The following TANGO6 variants were observed in gnomAD, a reference collection of about 807,000 sequenced individuals.
TANGO6 encodes transport and Golgi organization protein 6 homolog.
A neutral mutation model predicts 114.2 loss-of-function variants in TANGO6; 90 were observed. The observed-to-expected ratio is 0.79, with a 90% CI of 0.66 to 0.94. The LOEUF (loss-of-function observed/expected upper bound fraction) is 0.94. Ranked by LOEUF, TANGO6 falls within the 40% of genes least tolerant of loss-of-function variation. The pLI is 0.00. For synonymous variants in TANGO6, 477 were observed against 509.8 expected, an observed-to-expected ratio of 0.94 and a Z score of 0.87; for missense variants, 1,274 against 1,315.3, an observed-to-expected ratio of 0.97 and a Z score of 0.49.
Position 68,982,630 on chromosome 16 carries a change from C to CTTTTTTT in TANGO6, c.2842+8478_2842+8484dup, listed in dbSNP as rs562523656. ...CAGGCATGAGCCACCATGCCCTGGC[C>CTTTTTTT]TTTTTTTTTTTTTTTTTTTTTTGTA... On this transcript the variant is annotated intron_variant, in intron 15 of 17. Coordinates refer to ENST00000261778, the MANE Select transcript of TANGO6 (RefSeq NM_024562.2). Among the ~76,000 whole-genome samples the CTTTTTTT allele has an allele frequency of 2.6e-4, 27 of 105,338 alleles. 2 individuals are homozygous for CTTTTTTT. Among genetic ancestry groups the CTTTTTTT allele is most frequent in the African/African-American group, 8.0e-4 (17 of 21,166 alleles). 69.1% of individuals were successfully genotyped at this position (105,338 alleles called of 152,430 possible). A position where few individuals can be genotyped will look rare whatever the true frequency, so the allele number is the denominator to read the frequency against.
chr16:69,015,714 C>T (rs185839315), intron 15 of TANGO6, among the ~76,000 whole-genome samples: 1 of 152,106 alleles, frequency 6.6e-6, no homozygotes, highest in Non-Finnish European at 1.5e-5. Flanking sequence ...ATCTCCTGAC[C>T]TCATGATCCG....
chr16:68,843,712 G>A lies in TANGO6; in HGVS notation c.94+1G>A. Reference sequence around the variant, plus strand: ...TTGAAGCTGCTGCTGAGCCCGGGAGGTGAGAGGACGCATCTCCGCGCCGGG... The same window carrying A: ...TTGAAGCTGCTGCTGAGCCCGGGAGATGAGAGGACGCATCTCCGCGCCGGG... On this transcript the variant is annotated splice_donor_variant, in intron 1 of 17. Coordinates refer to ENST00000261778, the MANE Select transcript of TANGO6 (RefSeq NM_024562.2). LOFTEE classifies it high-confidence loss of function. The A allele has an allele frequency of 6.2e-7, 1 of 1,613,460 alleles. No homozygotes were observed. Among genetic ancestry groups the A allele is most frequent in the Middle Eastern group, 1.7e-4 (1 of 6,060 alleles).
At chr16:69,080,098 A>G (rs1233308418) in intron 17 of TANGO6, among the ~76,000 whole-genome samples, 1 of 152,250 alleles carries the variant, frequency 6.6e-6, no homozygotes, top group Non-Finnish European at 1.5e-5. Context: ...AGCAAAAGAT[A>G]AAAAGAATTT....
intron 1 of TANGO6, among the ~76,000 whole-genome samples, chr16:68,853,054 A>G (rs1305709872): frequency 6.6e-6 from 1 of 152,138 alleles, no homozygotes; most frequent in African/African-American, 2.4e-5. Context: ...TGTAACATTA[A>G]CTAGAGTTTA....
chr16:68,843,725 TCTCCGCGCCGGG>T lies in TANGO6; in HGVS notation c.94+17_94+28del. 1 of 1,612,262 alleles carries T rather than the reference TCTCCGCGCCGGG, an allele frequency of 6.2e-7. No homozygotes were observed. The highest frequency in any genetic ancestry group is 8.5e-7 in the Non-Finnish European group (1 of 1,178,732). ...TGAGCCCGGGAGGTGAGAGGACGCA[TCTCCGCGCCGGG>T]CTGGACCCGGGACTCTCAGGGCCGC... On this transcript the variant is annotated intron_variant, in intron 1 of 17. Coordinates refer to ENST00000261778, the MANE Select transcript of TANGO6 (RefSeq NM_024562.2).
intron 7 of TANGO6, among the ~76,000 whole-genome samples, chr16:68,887,794 G>A (rs1034079398): frequency 8.5e-5 from 13 of 152,146 alleles, no homozygotes; most frequent in African/African-American, 2.2e-4. Flanking sequence ...CAGGAGAATC[G>A]CTTGAACCCG....
At chr16:68,902,209 G>T in intron 8 of TANGO6, 119 bp from the exon 9 acceptor site, 1 of 914,862 alleles carries the variant, frequency 1.1e-6, no homozygotes, top group Non-Finnish European at 1.6e-6. Flanking sequence ...AGTACTAGGA[G>T]ATTGTGCCAG....
chr16:68,844,123 T>G (rs948765413), intron 1 of TANGO6, among the ~76,000 whole-genome samples: 4 of 152,130 alleles, frequency 2.6e-5, no homozygotes, highest in Admixed American at 1.3e-4. Flanking sequence ...CCTTGAGATT[T>G]GTACGAAATG....
At chr16:68,989,575 G>A (rs1963929189) in intron 15 of TANGO6, among the ~76,000 whole-genome samples, 1 of 152,022 alleles carries the variant, frequency 6.6e-6, no homozygotes, top group Non-Finnish European at 1.5e-5. Context: ...ATCCTTATCT[G>A]ATAACTAAAA....
intron 17 of TANGO6, among the ~76,000 whole-genome samples, chr16:69,063,808 C>A (rs554050886): frequency 0.051 from 6,385 of 125,474 alleles, 221 homozygotes; most frequent in Admixed American, 0.091. Context: ...TCTTCTTCTT[C>A]TTATTATTAT....
intron 16 of TANGO6, among the ~76,000 whole-genome samples, chr16:69,039,742 G>A (rs972726263): frequency 2.6e-5 from 4 of 152,200 alleles, no homozygotes; most frequent in East Asian, 3.8e-4. Flanking sequence ...ACTCACATCC[G>A]GTGTACACTA....
chr16:68,873,260 T>C (rs1227817715), intron 4 of TANGO6, among the ~76,000 whole-genome samples: 1 of 152,182 alleles, frequency 6.6e-6, no homozygotes, highest in Non-Finnish European at 1.5e-5. Flanking sequence ...ATGGTCTTTG[T>C]GTCTGGCTTC....
intron 15 of TANGO6, among the ~76,000 whole-genome samples, chr16:68,994,795 C>T (rs766497194): frequency 4.0e-5 from 6 of 151,688 alleles, no homozygotes; most frequent in African/African-American, 9.7e-5. Flanking sequence ...ATGTTGCCCA[C>T]GCTGATCTCA....
At chr16:69,022,185 C>T (rs1009259634) in intron 15 of TANGO6, among the ~76,000 whole-genome samples, 10 of 151,864 alleles carry the variant, frequency 6.6e-5, no homozygotes, top group African/African-American at 2.4e-4. Flanking sequence ...CGCGCCTGGC[C>T]GTGTATGTAA....
chr16:69,030,653 T>C (rs973108255), intron 16 of TANGO6, among the ~76,000 whole-genome samples: 4 of 152,030 alleles, frequency 2.6e-5, no homozygotes, highest in Admixed American at 6.6e-5. Context: ...ATTTAGCCTT[T>C]GGAAATGAAG....
intron 15 of TANGO6, among the ~76,000 whole-genome samples, chr16:68,979,962 G>C (rs568706054): frequency 4.6e-4 from 69 of 151,336 alleles, no homozygotes; most frequent in Middle Eastern, 6.8e-3. Flanking sequence ...CTCTGCCTCA[G>C]CCTCCTGAGT....
intron 15 of TANGO6, among the ~76,000 whole-genome samples, chr16:68,998,663 G>A (rs554253470): frequency 1.3e-5 from 2 of 151,590 alleles, no homozygotes; most frequent in South Asian, 2.1e-4. Flanking sequence ...CCTGGAAGGC[G>A]GAGGTTGCAG....
At chr16:68,984,706 G>C (rs955955560) in intron 15 of TANGO6, among the ~76,000 whole-genome samples, 21 of 151,950 alleles carry the variant, frequency 1.4e-4, no homozygotes, top group Non-Finnish European at 2.9e-4. Context: ...ATTTTTTGTA[G>C]ATGTGGGGTC....
At chr16:69,046,990 G>A (rs1031930130) in intron 17 of TANGO6, among the ~76,000 whole-genome samples, 26 of 151,742 alleles carry the variant, frequency 1.7e-4, no homozygotes, top group African/African-American at 6.3e-4. Context: ...AGACCAGCCT[G>A]ACCAACATGG....
Sources: allele counts gnomAD v4.1 joint callset (sites outside exome capture counted in the v4.1 genomes callset), GRCh38; gene constraint gnomAD v4.1.1; transcripts MANE v1.5; gene names NCBI Gene and HGNC (gene_info 2026-07-23, HGNC 2026-07-21).